The following MRGPRF variants were observed in gnomAD, a reference collection of about 807,000 sequenced individuals.
The protein encoded by MRGPRF is mas-related G protein-coupled receptor member F.
Under a neutral mutation model 3.3 loss-of-function variants are expected in MRGPRF, and 2 were observed. The observed-to-expected ratio is 0.61, with a 90% confidence interval of 0.25 to 1.92. The LOEUF is 1.92. Ranked by LOEUF, MRGPRF falls within the 40% of genes most tolerant of loss-of-function variation. MRGPRF has a pLI of 0.16. For missense variants in MRGPRF, 500 were observed against 476.0 expected (o/e 1.05, Z -0.47); for synonymous variants, 242 against 222.7 (o/e 1.09, Z -0.77).
At chr11:69,009,607 C>T (rs1860552967) in intron 2 of MRGPRF, 1 of 616,502 alleles carries the variant, frequency 1.6e-6, no homozygotes, top group South Asian at 1.9e-5. Flanking sequence ...ACCACAGTGT[C>T]AGCACAGCGA....
Position 69,005,784 on chromosome 11 carries a change from A to AG in MRGPRF, c.525dup (p.Cys176LeufsTer102). On this transcript the variant is annotated frameshift_variant, in exon 3 of 3. Coordinates refer to ENST00000309099, the MANE Select transcript of MRGPRF (RefSeq NM_145015.5). LOFTEE classifies it low-confidence loss of function (END_TRUNC). ...AACACGCAGAAGTAGTTGTGCAGGCAGGTGACCAGGAGGGACAGGACCCAC... is the reference window on the plus strand; with the variant it reads ...AACACGCAGAAGTAGTTGTGCAGGCAGGGTGACCAGGAGGGACAGGACCCAC... 1 of 1,542,608 alleles carries AG rather than the reference A, an allele frequency of 6.5e-7. No individual in the cohort carries two copies. The highest frequency in any genetic ancestry group is 2.4e-5 in the East Asian group (1 of 40,958).
chr11:69,005,748 C>G lies in MRGPRF; in HGVS notation c.562G>C (p.Gly188Arg). The G allele has an allele frequency of 6.5e-7, 1 of 1,549,512 alleles. No individual in the cohort carries two copies. Among genetic ancestry groups the G allele is most frequent in the Non-Finnish European group, 8.7e-7 (1 of 1,146,374 alleles). ...HNYFCVFLGR[G>R]APGAACRHMD... ...TGCCTGCAGGCCGCGCCGGGGGCCC[C>G]GCGGCCCAGGAACACGCAGAAGTAG... is the stretch of plus-strand genomic sequence containing the variant. The change falls in exon 3 of 3, where the codon GGG becomes CGG. Residue 188 changes from glycine to arginine, a missense_variant. By Grantham distance (125) the Gly-to-Arg change is moderately radical. Coordinates refer to ENST00000309099, the MANE Select transcript of MRGPRF (RefSeq NM_145015.5).
At chr11:69,006,352 T>A in intron 2 of MRGPRF, 91 bp from the exon 3 acceptor site, 49 of 977,460 alleles carry the variant, frequency 5.0e-5, no homozygotes, top group Non-Finnish European at 6.7e-5. Flanking sequence ...AGGGGGGGGG[T>A]CCCAATTAGG....
At chr11:69,007,625 T>C (rs114459605) in intron 2 of MRGPRF, among the ~76,000 whole-genome samples, 2 of 152,332 alleles carry the variant, frequency 1.3e-5, no homozygotes, top group African/African-American at 2.4e-5. Flanking sequence ...TTGGCGGGCA[T>C]TGTACTATTC....
chr11:69,005,235 T>G lies in MRGPRF; in HGVS notation c.*43A>C. ...ATTCCTGTCCCAAGGCGAAGGGTCT[T>G]GGAGGCCGCTTCCTGCCCCTGCCTC... On this transcript the variant is annotated 3_prime_UTR_variant, in exon 3 of 3. Transcript: ENST00000309099. The G allele has an allele frequency of 2.1e-6, 3 of 1,454,020 alleles. No individual in the cohort carries two copies. The highest frequency in any genetic ancestry group is 2.7e-6 in the Non-Finnish European group (3 of 1,109,860). 90.1% of individuals were successfully genotyped at this position (1,454,020 alleles called of 1,614,324 possible).
intron 1 of MRGPRF, among the ~76,000 whole-genome samples, chr11:69,011,791 C>T (rs1211001625): frequency 6.6e-6 from 1 of 152,180 alleles, no homozygotes; most frequent in Non-Finnish European, 1.5e-5. Flanking sequence ...TGTCCTGACT[C>T]ACAGGAGCCT....
chr11:69,011,135 C>T lies in MRGPRF; in HGVS notation c.-56-1178G>A, dbSNP rs540427869. Among the ~76,000 whole-genome samples the T allele has an allele frequency of 5.9e-5, 9 of 152,206 alleles. No individual in the cohort carries two copies. The South Asian group carries it at 6.2e-4, about 10-fold the overall frequency. On this transcript the variant is annotated intron_variant, in intron 1 of 2. Transcript: ENST00000309099. Reference sequence around the variant, plus strand: ...GGGTCCGCCCGGCCTCAGCCAGCCACGTGCCCCCGCCCGCCGCGCACTCCT... The same window carrying T: ...GGGTCCGCCCGGCCTCAGCCAGCCATGTGCCCCCGCCCGCCGCGCACTCCT...
In MRGPRF at chr11:69,006,232, T is replaced by C. The variant is rs759640326; in HGVS notation, c.78A>G (p.Glu26=). The C allele has an allele frequency of 4.3e-6, 7 of 1,612,482 alleles. No individual in the cohort carries two copies. The highest frequency in any genetic ancestry group is 5.1e-6 in the Non-Finnish European group (6 of 1,179,930). The change falls in exon 3 of 3, where the codon GAA becomes GAG. Residue 26 remains glutamate, a synonymous_variant. Coordinates refer to ENST00000309099, the MANE Select transcript of MRGPRF (RefSeq NM_145015.5). The stretch of plus-strand genomic sequence containing the variant: ...TGGTCAGGAAGCCCCGGCTGTAGAG[T>C]TCCGGGGCCTCGCTCAGGCCAGGGC... ...KMCPGLSEAP[E]LYSRGFLTIE...
chr11:69,009,432 G>A (rs968592334), intron 2 of MRGPRF: 42 of 502,708 alleles, frequency 8.4e-5, no homozygotes, highest in Admixed American at 4.4e-4. Flanking sequence ...CAACACTCTC[G>A]GGGTGGCCCA....
intron 2 of MRGPRF, among the ~76,000 whole-genome samples, chr11:69,007,332 C>T (rs909995353): frequency 1.3e-5 from 2 of 152,036 alleles, no homozygotes; most frequent in Non-Finnish European, 2.9e-5. Flanking sequence ...CTCAGGCTCC[C>T]GAGTAGCTGG....
intron 1 of MRGPRF, among the ~76,000 whole-genome samples, chr11:69,010,428 C>T (rs1237186535): frequency 1.3e-5 from 2 of 152,160 alleles, no homozygotes; most frequent in Non-Finnish European, 1.5e-5. Context: ...GGCTGAGCCG[C>T]GGTTTGTAAC....
intron 2 of MRGPRF, among the ~76,000 whole-genome samples, chr11:69,006,843 C>T (rs4930256): frequency 6.6e-6 from 1 of 152,092 alleles, no homozygotes; most frequent in Non-Finnish European, 1.5e-5. Flanking sequence ...AGGATGGTCT[C>T]GAACTCCTGA....
At chr11:69,010,015 G>T in intron 1 of MRGPRF, 58 bp from the exon 2 acceptor site, 1 of 1,209,680 alleles carries the variant, frequency 8.3e-7, no homozygotes, top group Non-Finnish European at 1.1e-6. Context: ...CCCCTTCCTG[G>T]ACCCCCGTGC....
At chr11:69,006,849 C>T (rs1460412489) in intron 2 of MRGPRF, among the ~76,000 whole-genome samples, 1 of 152,138 alleles carries the variant, frequency 6.6e-6, no homozygotes, top group Non-Finnish European at 1.5e-5. Context: ...GTCTCGAACT[C>T]CTGACCTCAA....
chr11:69,010,812 C>T (rs1590682268), intron 1 of MRGPRF, among the ~76,000 whole-genome samples: 1 of 152,224 alleles, frequency 6.6e-6, no homozygotes, highest in East Asian at 1.9e-4. Flanking sequence ...CCACCTTGGC[C>T]GGCCAGACCT....
rs764624298 is a variant in MRGPRF, at chr11:69,005,832, A to G, written c.478T>C (p.Ser160Pro). ...CACAGCAGGGCGCACACCACGGCCGACAGGCGCTTGGGCCGCCGGCGCCAG... is the reference window on the plus strand; with the variant it reads ...CACAGCAGGGCGCACACCACGGCCGGCAGGCGCTTGGGCCGCCGGCGCCAG... ...WYWRRRPKRLSAVVCALLWVL... is the reference protein window; with the variant it reads ...WYWRRRPKRLPAVVCALLWVL... Residue 160 changes from serine (S) to proline (P), a missense_variant, in exon 3 of 3, where the codon TCG becomes CCG. By Grantham distance (74) the Ser-to-Pro change is moderately conservative (BLOSUM62 -1). Transcript: ENST00000309099. The G allele has an allele frequency of 1.3e-6, 2 of 1,534,314 alleles. No homozygotes were observed. Among genetic ancestry groups the G allele is most frequent in the East Asian group, 2.4e-5 (1 of 41,712 alleles).
At chr11:69,008,223 T>A (rs990149610) in intron 2 of MRGPRF, among the ~76,000 whole-genome samples, 7 of 152,108 alleles carry the variant, frequency 4.6e-5, no homozygotes, top group African/African-American at 2.4e-5. Context: ...AAACAACCCA[T>A]CTATCTACAG....
chr11:69,005,910 G>T lies in MRGPRF; in HGVS notation c.400C>A (p.Leu134Met). The T allele has an allele frequency of 6.4e-7, 1 of 1,574,180 alleles. No homozygotes were observed. The highest frequency in any genetic ancestry group is 1.2e-5 in the South Asian group (1 of 86,334). Residue 134 changes from leucine to methionine, a missense_variant, in exon 3 of 3, where the codon CTG (leucine) becomes ATG (methionine). Leu to Met is a conservative substitution (Grantham distance 15, BLOSUM62 2). Coordinates refer to ENST00000309099, the MANE Select transcript of MRGPRF (RefSeq NM_145015.5). ...LCMFLTGVSLLPAVSAERCAS... is the reference protein window; with the variant it reads ...LCMFLTGVSLMPAVSAERCAS... ...CAGCGCTCGGCGCTGACGGCCGGCA[G>T]GAGGCTCACGCCGGTAAGGAACATG...
Position 69,005,791 on chromosome 11 carries a change from C to T in MRGPRF, c.519G>A (p.Leu173=). The T allele has an allele frequency of 6.5e-7, 1 of 1,538,970 alleles. No homozygotes were observed. Among genetic ancestry groups the T allele is most frequent in the Non-Finnish European group, 8.8e-7 (1 of 1,141,596 alleles). Residue 173 remains leucine, a synonymous_variant, in exon 3 of 3, where the codon CTG becomes CTA. Transcript: ENST00000309099. ...AGAAGTAGTTGTGCAGGCAGGTGAC[C>T]AGGAGGGACAGGACCCACAGCAGGG... is the stretch of plus-strand genomic sequence containing the variant. The part of the protein sequence containing the change: ...VCALLWVLSL[L]VTCLHNYFCV...
Sources: gnomAD v4.1 joint callset for allele counts (sites outside exome capture counted in the v4.1 genomes callset) on GRCh38, gnomAD v4.1.1 for gene constraint, MANE v1.5 for transcripts, NCBI Gene and HGNC (gene_info 2026-07-23, HGNC 2026-07-21) for gene names.